Variants in KCNT2 observed in about 807,000 individuals in gnomAD.
KCNT2 encodes the protein potassium channel subfamily T member 2.
A neutral mutation model predicts 153.8 loss-of-function variants in KCNT2; 67 were observed. That is an observed-to-expected ratio of 0.44 (90% CI 0.36 to 0.53). The LOEUF (loss-of-function observed/expected upper bound fraction) is 0.53. Ranked by LOEUF, KCNT2 falls within the 20% of genes least tolerant of loss-of-function variation. The pLI, the probability that KCNT2 is intolerant of heterozygous loss-of-function variation, is 0.00. For missense variants in KCNT2, 975 were observed against 1,354.8 expected, an observed-to-expected ratio of 0.72 and a Z score of 4.40; for synonymous variants, 500 against 458.8, an observed-to-expected ratio of 1.09 and a Z score of -1.15.
intron 18 of KCNT2, among the ~76,000 whole-genome samples, chr1:196,327,611 T>C (rs970449048): frequency 4.6e-5 from 7 of 151,836 alleles, no homozygotes; most frequent in African/African-American, 1.5e-4. Context: ...TTCTTATTTA[T>C]GTGGGTTGAG....
At chr1:196,384,707 CAAAAAAAAA>C (rs60975976) in intron 13 of KCNT2, among the ~76,000 whole-genome samples, 83 of 75,504 alleles carry the variant, frequency 1.1e-3, no homozygotes, top group Admixed American at 5.4e-3. Flanking sequence ...ACCCCATCTC[CAAAAAAAAA>C]AAAAAAAAAA....
chr1:196,367,992 A>G (rs529583974), intron 14 of KCNT2, among the ~76,000 whole-genome samples: 1 of 152,288 alleles, frequency 6.6e-6, no homozygotes, highest in Admixed American at 6.5e-5. Context: ...GGTAAAGACT[A>G]TAGGGTAAAG....
intron 1 of KCNT2, among the ~76,000 whole-genome samples, chr1:196,543,473 C>T (rs537546389): frequency 6.6e-5 from 10 of 152,134 alleles, no homozygotes; most frequent in African/African-American, 2.4e-4. Context: ...ACTCTCAAAT[C>T]TGTGAAAGTA....
chr1:196,462,003 C>A (rs1677193881), intron 8 of KCNT2, among the ~76,000 whole-genome samples: 2 of 151,594 alleles, frequency 1.3e-5, no homozygotes, highest in East Asian at 3.9e-4. Flanking sequence ...ATCTTTCAGG[C>A]TCAAATTACA....
chr1:196,391,321 A>G (rs1670470651), intron 13 of KCNT2, among the ~76,000 whole-genome samples: 1 of 151,468 alleles, frequency 6.6e-6, no homozygotes, highest in Non-Finnish European at 1.5e-5. Flanking sequence ...GTACAAATCT[A>G]GAAAATGTTA....
chr1:196,526,131 G>A (rs2148834978), intron 1 of KCNT2, among the ~76,000 whole-genome samples: 1 of 151,846 alleles, frequency 6.6e-6, no homozygotes, highest in East Asian at 1.9e-4. Context: ...TTGAGGAACA[G>A]ACAAGAATGC....
intron 1 of KCNT2, among the ~76,000 whole-genome samples, chr1:196,504,345 TG>T (rs1239999049): frequency 1.3e-5 from 2 of 151,920 alleles, no homozygotes; most frequent in East Asian, 3.9e-4. Flanking sequence ...TTTGGTTTTT[TG>T]TCCTTGTGAT....
rs138263296 is a variant in KCNT2, at chr1:196,579,523, T to G, written c.95+28692A>C. ...AATTCTTTTTTTTTGAGATGCAGTC[T>G]CACTTTGTCACCCAGGTTGGAGTGT... On this transcript the variant is annotated intron_variant, in intron 1 of 27. Transcript: ENST00000294725. Among the ~76,000 whole-genome samples the G allele has an allele frequency of 4.8e-3, 736 of 152,098 alleles. 3 individuals carry two copies. Among genetic ancestry groups the G allele is most frequent in the African/African-American group, 0.016 (672 of 41,510 alleles).
chr1:196,426,643 G>T (rs1006730977), intron 10 of KCNT2, among the ~76,000 whole-genome samples: 2 of 151,742 alleles, frequency 1.3e-5, no homozygotes, highest in African/African-American at 4.8e-5. Flanking sequence ...CCATTTTACT[G>T]CTGTAAAATA....
intron 19 of KCNT2, among the ~76,000 whole-genome samples, chr1:196,320,425 T>C (rs912577084): frequency 1.3e-5 from 2 of 151,866 alleles, no homozygotes; most frequent in Non-Finnish European, 2.9e-5. Context: ...TACAATTCTA[T>C]TATATATTTT....
intron 25 of KCNT2, among the ~76,000 whole-genome samples, chr1:196,273,048 T>C (rs1304055842): frequency 1.3e-5 from 2 of 151,896 alleles, no homozygotes; most frequent in African/African-American, 4.8e-5. Flanking sequence ...GTCTGAAATC[T>C]ATAACCTTTT....
At chr1:196,579,393 T>C (rs1350145116) in intron 1 of KCNT2, among the ~76,000 whole-genome samples, 1 of 151,954 alleles carries the variant, frequency 6.6e-6, no homozygotes, top group Non-Finnish European at 1.5e-5. Flanking sequence ...AGTACCTGCG[T>C]GATGAAATAA....
chr1:196,323,317 A>C (rs1254206799), intron 19 of KCNT2, among the ~76,000 whole-genome samples: 1 of 151,984 alleles, frequency 6.6e-6, no homozygotes, highest in African/African-American at 2.4e-5. Flanking sequence ...AAAAGCCTGG[A>C]TCTTTCCCTT....
chr1:196,562,205 T>C (rs987404281), intron 1 of KCNT2, among the ~76,000 whole-genome samples: 1 of 151,994 alleles, frequency 6.6e-6, no homozygotes, highest in Non-Finnish European at 1.5e-5. Flanking sequence ...CAAAGAAATA[T>C]ATATTTTGGA....
At chr1:196,523,807 T>C (rs1349217878) in intron 1 of KCNT2, among the ~76,000 whole-genome samples, 2 of 152,194 alleles carry the variant, frequency 1.3e-5, no homozygotes, top group Non-Finnish European at 2.9e-5. Context: ...CTTTCAATTA[T>C]TTTGAGTCTT....
chr1:196,241,282 A>C (rs1255195157), intron 26 of KCNT2, among the ~76,000 whole-genome samples: 1 of 152,060 alleles, frequency 6.6e-6, no homozygotes, highest in Non-Finnish European at 1.5e-5. Context: ...TCTTCTACAT[A>C]GTTGGTAATA....
chr1:196,467,735 A>T lies in KCNT2; in HGVS notation c.511T>A (p.Trp171Arg). The T allele has an allele frequency of 6.2e-7, 1 of 1,607,450 alleles. No homozygotes were observed. The highest frequency in any genetic ancestry group is 8.5e-7 in the Non-Finnish European group (1 of 1,175,482). Residue 171 changes from tryptophan to arginine, a missense_variant, in exon 7 of 28, where the codon TGG (tryptophan) becomes AGG (arginine). Physicochemically the swap from Trp to Arg is moderately radical, Grantham distance 101. This residue lies in a region of KCNT2 where 140 missense variants were observed against 216.0 expected (regional missense o/e 0.65). Coordinates refer to ENST00000294725, the MANE Select transcript of KCNT2 (RefSeq NM_198503.5). ...TTTTCCAAGGCATGTTTGGCAAGCC[A>T]ACAGTTCAGAAAGACTGGGACAAAT... The part of the protein sequence containing the change: ...NLFVPVFLNC[W>R]LAKHALENMI...
intron 1 of KCNT2, among the ~76,000 whole-genome samples, chr1:196,605,885 T>A (rs1019769533): frequency 2.0e-5 from 3 of 152,202 alleles, no homozygotes; most frequent in Non-Finnish European, 2.9e-5. Flanking sequence ...ATTATTCTTA[T>A]AAGTTCAAAT....
intron 26 of KCNT2, among the ~76,000 whole-genome samples, chr1:196,239,842 G>T (rs1171150406): frequency 1.3e-5 from 2 of 151,894 alleles, no homozygotes; most frequent in African/African-American, 2.4e-5. Flanking sequence ...TTTAAATGGG[G>T]TCAACAGGGT....
Sources: allele counts gnomAD v4.1 joint callset (sites outside exome capture counted in the v4.1 genomes callset), GRCh38; gene constraint gnomAD v4.1.1; regional missense constraint gnomAD v4.1.1; transcripts MANE v1.5; gene names NCBI Gene and HGNC (gene_info 2026-07-23, HGNC 2026-07-21).